Variants in DPH6 observed in about 807,000 individuals in gnomAD.
DPH6 encodes the protein diphthine--ammonia ligase.
DPH6 carries 33 observed loss-of-function variants against 38.2 expected under a neutral mutation model. That is an observed-to-expected ratio of 0.86 (90% CI 0.65 to 1.15). The LOEUF (loss-of-function observed/expected upper bound fraction) is 1.15. Ranked by LOEUF, DPH6 falls within the 50% of genes most tolerant of loss-of-function variation. The pLI is 0.00. For missense variants in DPH6, 325 were observed against 320.0 expected (o/e 1.02, Z -0.12); for synonymous variants, 108 against 103.0 (o/e 1.05, Z -0.30).
At chr15:35,424,501 T>C (rs1171725403) in intron 5 of DPH6, among the ~76,000 whole-genome samples, 1 of 151,582 alleles carries the variant, frequency 6.6e-6, no homozygotes, top group African/African-American at 2.4e-5. Flanking sequence ...TATCTGTAAG[T>C]AGAAATAATT....
chr15:35,483,738 G>A (rs949523190), intron 3 of DPH6, among the ~76,000 whole-genome samples: 7 of 152,110 alleles, frequency 4.6e-5, no homozygotes, highest in African/African-American at 1.4e-4. Context: ...ACTTATATGT[G>A]AACATTCACA....
At chr15:35,479,708 T>C (rs368577281) in intron 3 of DPH6, among the ~76,000 whole-genome samples, 6 of 152,096 alleles carry the variant, frequency 3.9e-5, no homozygotes, top group Admixed American at 2.6e-4. Flanking sequence ...TAATTGTTAA[T>C]GCCTGCTCCC....
chr15:35,532,356 T>A (rs989553195), intron 3 of DPH6, among the ~76,000 whole-genome samples: 2 of 152,158 alleles, frequency 1.3e-5, no homozygotes, highest in African/African-American at 4.8e-5. Context: ...GCAAGTTGAT[T>A]AGGAGGCTCT....
chr15:35,162,752 A>G, the DPH6 span, among the ~76,000 whole-genome samples: 1 of 151,930 alleles, frequency 6.6e-6, no homozygotes, highest in Non-Finnish European at 1.5e-5. Context: ...ACTGCTAAGA[A>G]GAGCCTCCAC....
chr15:35,454,844 A>G (rs377447011), intron 3 of DPH6, 24 bp from the exon 4 acceptor site: 41 of 1,556,272 alleles, frequency 2.6e-5, no homozygotes, highest in Non-Finnish European at 3.5e-5. Flanking sequence ...AAAAAACCAT[A>G]ACTTTAAAAA....
rs116530643 is a variant in DPH6, at chr15:35,428,294, T to C, written c.506-17398A>G. On this transcript the variant is annotated intron_variant, in intron 5 of 8. Transcript: ENST00000256538. ...AGTTTGATGCCCTGGATCAAACTACTTCTAAAAATTTTTCTATAAAACTGT... is the reference window on the plus strand; with the variant it reads ...AGTTTGATGCCCTGGATCAAACTACCTCTAAAAATTTTTCTATAAAACTGT... 3.5e-3 allele frequency among the ~76,000 whole-genome samples: 527 copies of C among 152,182 alleles called. 6 individuals are homozygous for C. Among genetic ancestry groups the C allele is most frequent in the African/African-American group, 0.012 (488 of 41,548 alleles).
intron 5 of DPH6, among the ~76,000 whole-genome samples, chr15:35,435,374 A>G (rs1298696148): frequency 2.0e-5 from 3 of 152,246 alleles, no homozygotes; most frequent in Non-Finnish European, 1.5e-5. Context: ...AATGGCTTCA[A>G]AAAAGGCAAA....
Position 35,240,013 on chromosome 15 carries a change from TTTCTC to T in DPH6, n.201-19436_201-19432del, listed in dbSNP as rs1240247201. On this transcript the variant is annotated intron_variant and non_coding_transcript_variant, in intron 3 of 3. Transcript: ENST00000560386. ...CACCCCTTCTCCGTGTCTCTACTCT[TTTCTC>T]TGGGCTTGCCTCCTTCACTATGGGT... 2.1e-5 allele frequency among the ~76,000 whole-genome samples: 3 copies of T among 142,868 alleles called. 1 individual carries two copies. The highest frequency in any genetic ancestry group is 3.1e-5 in the Non-Finnish European group (2 of 65,148). The allele number at this position is 142,868 out of a possible 152,430, so 93.7% of individuals were successfully genotyped here. A position where few individuals can be genotyped will look rare whatever the true frequency, so the allele number is the denominator to read the frequency against.
At chr15:35,482,815 G>GA (rs1157291919) in intron 3 of DPH6, among the ~76,000 whole-genome samples, 1 of 151,666 alleles carries the variant, frequency 6.6e-6, no homozygotes, top group Admixed American at 6.6e-5. Context: ...AACCATAAAA[G>GA]AAAAAAACGG....
At chr15:35,223,203 TGCATCATGCTATGATGGAAG>T (rs1175075212) in intron 3 of DPH6, among the ~76,000 whole-genome samples, 1 of 152,164 alleles carries the variant, frequency 6.6e-6, no homozygotes, top group African/African-American at 2.4e-5. Flanking sequence ...GCCTTCTTGC[TGCATCATGCTATGATGGAAG>T]GCATCACATG....
chr15:35,405,467 GTAAATGGGA>G (rs2053279190), intron 6 of DPH6, among the ~76,000 whole-genome samples: 1 of 152,074 alleles, frequency 6.6e-6, no homozygotes, highest in East Asian at 1.9e-4. Context: ...TGTGGCTATT[GTAAATGGGA>G]TTACTTTTTT....
chr15:35,319,257 G>A (rs1231365253), intron 3 of DPH6, among the ~76,000 whole-genome samples: 2 of 152,064 alleles, frequency 1.3e-5, no homozygotes, highest in African/African-American at 4.8e-5. Context: ...CCAAGGTAAT[G>A]AATGTGAAAG....
At chr15:35,233,356 A>T (rs2051531400) in intron 3 of DPH6, among the ~76,000 whole-genome samples, 1 of 152,156 alleles carries the variant, frequency 6.6e-6, no homozygotes, top group Admixed American at 6.6e-5. Context: ...CAGACATAAA[A>T]CAATCTCCAT....
At chr15:35,478,581 AT>A (rs2054290326) in intron 3 of DPH6, among the ~76,000 whole-genome samples, 1 of 152,016 alleles carries the variant, frequency 6.6e-6, no homozygotes, top group African/African-American at 2.4e-5. Context: ...TATGAATTCA[AT>A]ATCATTAATC....
At chr15:35,344,495 C>G (rs974397091) in intron 3 of DPH6, among the ~76,000 whole-genome samples, 1 of 151,688 alleles carries the variant, frequency 6.6e-6, no homozygotes, top group African/African-American at 2.4e-5. Context: ...TTTAGGAAAC[C>G]ATTCAGGAGA....
In DPH6 at chr15:35,372,214, AAGGGAAGG is replaced by A; in HGVS notation, c.751-19_751-12del. On this transcript the variant is annotated splice_polypyrimidine_tract_variant and intron_variant, in intron 8 of 8. Coordinates refer to ENST00000256538, the MANE Select transcript of DPH6 (RefSeq NM_080650.4). Reference sequence around the variant, plus strand: ...AGGCACTGAGGACACCTAAAAAAAAAAGGGAAGGAAAGGGAAGGAAAATGCACCATATT... The same window carrying A: ...AGGCACTGAGGACACCTAAAAAAAAAAAAGGGAAGGAAAATGCACCATATT... 6.7e-7 allele frequency: 1 copy of A among 1,482,394 alleles called. No homozygotes were observed. Among genetic ancestry groups the A allele is most frequent in the Non-Finnish European group, 8.9e-7 (1 of 1,117,550 alleles). The allele number at this position is 1,482,394 out of a possible 1,614,324, so 91.8% of individuals were successfully genotyped here.
intron 3 of DPH6, among the ~76,000 whole-genome samples, chr15:35,513,990 A>G (rs112801476): frequency 0.016 from 2,450 of 152,122 alleles, 74 homozygotes; most frequent in African/African-American, 0.057. Context: ...TGACTGATCA[A>G]TTGATTCTAA....
the DPH6 span, among the ~76,000 whole-genome samples, chr15:35,167,564 C>CT: frequency 3.0e-3 from 122 of 40,332 alleles, 1 homozygote; most frequent in Middle Eastern, 0.045. Flanking sequence ...GATTTTATGT[C>CT]TTTTTTTTAA....
chr15:35,453,540 G>C (rs1471216901), intron 4 of DPH6, among the ~76,000 whole-genome samples: 2 of 152,064 alleles, frequency 1.3e-5, no homozygotes, highest in African/African-American at 4.8e-5. Flanking sequence ...TCCATCTGCA[G>C]ATCAGTTGTT....
Sources: allele counts gnomAD v4.1 joint callset (sites outside exome capture counted in the v4.1 genomes callset), GRCh38; gene constraint gnomAD v4.1.1; transcripts MANE v1.5; gene names NCBI Gene and HGNC (gene_info 2026-07-23, HGNC 2026-07-21).